The following GPSM2 variants were observed in gnomAD, a reference collection of about 807,000 sequenced individuals.
GPSM2 encodes the protein G protein signaling modulator 2, also known as G protein-signaling modulator 2.
GPSM2 carries 58 observed loss-of-function variants against 78.4 expected under a neutral mutation model. That is an observed-to-expected ratio of 0.74 (90% CI 0.60 to 0.92). The LOEUF is 0.92. Ranked by LOEUF, GPSM2 falls within the 40% of genes least tolerant of loss-of-function variation. GPSM2 has a pLI of 0.00. For synonymous variants in GPSM2, 224 were observed against 280.2 expected, an observed-to-expected ratio of 0.80 and a Z score of 2.00; for missense variants, 700 against 815.5, an observed-to-expected ratio of 0.86 and a Z score of 1.73.
In GPSM2 at chr1:108,901,824, C is replaced by T. The variant is rs762285081; in HGVS notation, c.832C>T (p.Arg278Ter). ...TLLLARQLKD[R>*]AVEAQSCYSL... The stretch of plus-strand genomic sequence containing the variant: ...ACTGTTGGCCCGACAGCTTAAAGAC[C>T]GAGCTGTAGAAGCACAGTCTTGTTA... Residue 278 changes from arginine to a stop codon, truncating the protein, a stop_gained, in exon 8 of 15, where the codon CGA becomes TGA. Coordinates refer to ENST00000264126, the MANE Select transcript of GPSM2 (RefSeq NM_013296.5). LOFTEE classifies it high-confidence loss of function. 12 of 1,610,752 alleles carry T rather than the reference C, an allele frequency of 7.4e-6. No homozygotes were observed. The highest frequency in any genetic ancestry group is 1.7e-5 in the Admixed American group (1 of 59,990).
intron 12 of GPSM2, among the ~76,000 whole-genome samples, chr1:108,921,034 G>T (rs1229753337): frequency 6.6e-6 from 1 of 152,072 alleles, no homozygotes; most frequent in African/African-American, 2.4e-5. Flanking sequence ...CAGTTAAAGG[G>T]ATACCATTTA....
At chr1:108,920,445 G>A (rs1462508293) in intron 12 of GPSM2, among the ~76,000 whole-genome samples, 4 of 152,024 alleles carry the variant, frequency 2.6e-5, no homozygotes, top group Non-Finnish European at 4.4e-5. Flanking sequence ...CTCCAGCCTG[G>A]GTGACAGAGT....
intron 10 of GPSM2, among the ~76,000 whole-genome samples, chr1:108,910,708 C>G (rs1203834968): frequency 2.6e-5 from 4 of 151,884 alleles, no homozygotes; most frequent in Non-Finnish European, 5.9e-5. Flanking sequence ...ACCAAAAATA[C>G]AAAAATTAGC....
intron 1 of GPSM2, among the ~76,000 whole-genome samples, chr1:108,879,690 C>T (rs1665802737): frequency 6.6e-6 from 1 of 152,072 alleles, no homozygotes; most frequent in Non-Finnish European, 1.5e-5. Context: ...ATAGTTAGCC[C>T]AGTGTGGTGG....
In GPSM2 at chr1:108,913,311, A is replaced by C. The variant is rs558950402; in HGVS notation, c.1193-1027A>C. 1.1e-3 allele frequency among the ~76,000 whole-genome samples: 162 copies of C among 152,298 alleles called. 1 individual carries two copies. Among genetic ancestry groups the C allele is most frequent in the Middle Eastern group, 6.8e-3 (2 of 294 alleles). On this transcript the variant is annotated intron_variant, in intron 10 of 14. Transcript: ENST00000264126. ...TATCATAGCAAAAAAATTGGAAGCA[A>C]CCCAAATATCTGTCACTAATAAAAT...
At chr1:108,912,916 CG>C (rs1649873525) in intron 10 of GPSM2, among the ~76,000 whole-genome samples, 1 of 86,844 alleles carries the variant, frequency 1.2e-5, no homozygotes, top group African/African-American at 4.6e-5. Flanking sequence ...GGACACGGGG[CG>C]GGGGGCAAAA....
At chr1:108,899,222 G>A (rs1031527465) in intron 7 of GPSM2, among the ~76,000 whole-genome samples, 12 of 152,110 alleles carry the variant, frequency 7.9e-5, no homozygotes, top group African/African-American at 2.9e-4. Context: ...AAATATTATT[G>A]TACATAAGAT....
chr1:108,895,419 G>A (rs762110914), intron 2 of GPSM2, among the ~76,000 whole-genome samples: 10 of 131,250 alleles, frequency 7.6e-5, no homozygotes, highest in Non-Finnish European at 1.4e-4. Context: ...TGTTTAATGT[G>A]TATTAGAACG....
At chr1:108,901,709 G>GA in intron 7 of GPSM2, 81 bp from the exon 8 acceptor site, 2 of 1,057,660 alleles carry the variant, frequency 1.9e-6, no homozygotes, top group South Asian at 1.3e-5. Context: ...CAGCAGAGAG[G>GA]AAAAATGAGA....
chr1:108,915,511 C>T (rs963222098), intron 11 of GPSM2, among the ~76,000 whole-genome samples: 2 of 151,258 alleles, frequency 1.3e-5, no homozygotes, highest in African/African-American at 4.9e-5. Flanking sequence ...ACTGCACCCT[C>T]CACCTCCCAG....
chr1:108,893,459 G>A (rs1210235841), intron 2 of GPSM2, among the ~76,000 whole-genome samples: 2 of 152,026 alleles, frequency 1.3e-5, no homozygotes, highest in Non-Finnish European at 2.9e-5. Context: ...TCTATTGGTG[G>A]ACATTTAATT....
intron 2 of GPSM2, 95 bp downstream of exon 2, chr1:108,885,673 C>A (rs201677745): frequency 6.5e-5 from 52 of 793,956 alleles, no homozygotes; most frequent in East Asian, 1.7e-4. Context: ...TGAAAATACT[C>A]AAATATACCA....
At chr1:108,924,467 T>G (rs1650980920) in intron 14 of GPSM2, 4 of 508,376 alleles carry the variant, frequency 7.9e-6, no homozygotes, top group Non-Finnish European at 1.1e-5. Flanking sequence ...AGAGAGAGAG[T>G]ATATGTGTGT....
At chr1:108,896,017 A>G (rs961529910) in intron 2 of GPSM2, among the ~76,000 whole-genome samples, 1 of 152,178 alleles carries the variant, frequency 6.6e-6, no homozygotes, top group African/African-American at 2.4e-5. Flanking sequence ...AAATAATTAA[A>G]CGAATAGGTA....
At chr1:108,914,753 T>A (rs1228519800) in intron 11 of GPSM2, among the ~76,000 whole-genome samples, 1 of 152,188 alleles carries the variant, frequency 6.6e-6, no homozygotes, top group Non-Finnish European at 1.5e-5. Context: ...TTTGAATCAT[T>A]TACTATGCAA....
At chr1:108,928,187 G>A (rs1299096079) in intron 14 of GPSM2, among the ~76,000 whole-genome samples, 1 of 152,152 alleles carries the variant, frequency 6.6e-6, no homozygotes, top group Admixed American at 6.5e-5. Flanking sequence ...AGAATATATA[G>A]AAAACTCCTA....
chr1:108,908,403 G>A (rs1179374339), intron 10 of GPSM2, among the ~76,000 whole-genome samples: 2 of 151,114 alleles, frequency 1.3e-5, no homozygotes, highest in Non-Finnish European at 2.9e-5. Flanking sequence ...AACACAGGAG[G>A]CCAGGCGCGG....
chr1:108,907,088 C>A (rs768259354), intron 10 of GPSM2, among the ~76,000 whole-genome samples: 1 of 152,206 alleles, frequency 6.6e-6, no homozygotes, highest in African/African-American at 2.4e-5. Context: ...ATCTCTTCAG[C>A]CTCTTTTCCT....
chr1:108,914,172 A>T (rs944124164), intron 10 of GPSM2, among the ~76,000 whole-genome samples, 166 bp from the exon 11 acceptor site: 7 of 152,212 alleles, frequency 4.6e-5, no homozygotes, highest in African/African-American at 9.6e-5. Flanking sequence ...ATTTTTGTGT[A>T]GCTGGTATAG....
Sources: allele counts gnomAD v4.1 joint callset (sites outside exome capture counted in the v4.1 genomes callset), GRCh38; gene constraint gnomAD v4.1.1; transcripts MANE v1.5; gene names NCBI Gene and HGNC (gene_info 2026-07-23, HGNC 2026-07-21).